SCARA3: variants seen among roughly 807,000 people sequenced by gnomAD.
SCARA3 encodes the protein scavenger receptor class A member 3, also known as cellular stress response gene protein.
Under a neutral mutation model 47.0 loss-of-function variants are expected in SCARA3, and 39 were observed. The ratio of observed to expected loss-of-function variants is 0.83; its 90% CI spans 0.64 to 1.08. The LOEUF is 1.08. Among genes scored for constraint, SCARA3 ranks in the 50% least tolerant of loss-of-function variants. The pLI, the probability that SCARA3 is intolerant of heterozygous loss-of-function variation, is 0.00. For synonymous variants in SCARA3, 356 were observed against 334.1 expected (o/e 1.07, Z -0.71); for missense variants, 724 against 792.3 (o/e 0.91, Z 1.04).
chr8:27,633,604 C>G (rs561124854), upstream of SCARA3, among the ~76,000 whole-genome samples: 5 of 110,670 alleles, frequency 4.5e-5, no homozygotes, highest in African/African-American at 1.1e-4. Flanking sequence ...CCCGGTGAGC[C>G]CCCCCATTGC....
At chr8:27,659,573 G>A in intron 5 of SCARA3, 34 bp downstream of exon 5, 1 of 1,540,308 alleles carries the variant, frequency 6.5e-7, no homozygotes, top group South Asian at 1.2e-5. Context: ...CTGCTACAAA[G>A]CTTCCACTGA....
chr8:27,655,102 T>C (rs1178225448), intron 3 of SCARA3, among the ~76,000 whole-genome samples: 1 of 152,228 alleles, frequency 6.6e-6, no homozygotes, highest in Non-Finnish European at 1.5e-5. Context: ...AGCTCTGAGA[T>C]GTACAATATT....
intron 1 of SCARA3, among the ~76,000 whole-genome samples, chr8:27,643,453 G>A (rs957983076): frequency 6.6e-6 from 1 of 152,186 alleles, no homozygotes; most frequent in Admixed American, 6.5e-5. Context: ...ACAACTTGTT[G>A]AGCAAGAAGA....
the SCARA3 span, among the ~76,000 whole-genome samples, chr8:27,715,580 CTAGATAGATGATAGATAGA>C: frequency 0.026 from 3,852 of 150,698 alleles, 82 homozygotes; most frequent in African/African-American, 0.064. This position sits in a 1 kb window ranked among gnomAD's most constrained non-coding sequence, Gnocchi z 4.2. Flanking sequence ...CACTTCGCAC[CTAGATAGATGATAGATAGA>C]TAGATAGATA....
chr8:27,676,499 A>G (rs1802279373), downstream of SCARA3: 2 of 1,586,256 alleles, frequency 1.3e-6, no homozygotes, highest in Non-Finnish European at 8.6e-7. Flanking sequence ...TAGGTGTCCA[A>G]CGAAATCCCC....
At chr8:27,644,739 C>T (rs1801456177) in intron 1 of SCARA3, among the ~76,000 whole-genome samples, 1 of 152,112 alleles carries the variant, frequency 6.6e-6, no homozygotes, top group South Asian at 2.1e-4. Context: ...ATGATGATTT[C>T]ATTACCCCTT....
downstream of SCARA3, chr8:27,676,465 T>G (rs1802278861): frequency 7.5e-7 from 1 of 1,338,840 alleles, no homozygotes; most frequent in Non-Finnish European, 1.0e-6. Context: ...TGAGGCCTTT[T>G]CCCTAAGCCC....
chr8:27,710,002 G>C, the SCARA3 span, among the ~76,000 whole-genome samples: 17 of 152,198 alleles, frequency 1.1e-4, no homozygotes, highest in African/African-American at 4.1e-4. Context: ...AGGCTAAGGG[G>C]GGCGGATCAT....
the SCARA3 span, among the ~76,000 whole-genome samples, chr8:27,690,394 C>T: frequency 6.6e-6 from 1 of 152,196 alleles, no homozygotes; most frequent in Non-Finnish European, 1.5e-5. Flanking sequence ...CTGTATCTCT[C>T]TGCCTCTCTG....
At position 27,670,881 on chromosome 8, in the gene SCARA3, A is replaced by G; in HGVS notation, c.1370-19A>G. On this transcript the variant is annotated intron_variant, in intron 5 of 5. Transcript: ENST00000301904. ...AGCCCCTGACAGACTGACCTCTCCC[A>G]TCTTCTCTCCAACCTCAGGTGCCCC... The G allele has an allele frequency of 6.6e-7, 1 of 1,514,298 alleles. No homozygotes were observed. Among genetic ancestry groups the G allele is most frequent in the Non-Finnish European group, 8.8e-7 (1 of 1,133,332 alleles). 93.8% of individuals were successfully genotyped at this position (1,514,298 alleles called of 1,614,324 possible). A position where few individuals can be genotyped will look rare whatever the true frequency, so the allele number is the denominator to read the frequency against.
At chr8:27,692,172 C>A in the SCARA3 span, among the ~76,000 whole-genome samples, 1 of 152,180 alleles carries the variant, frequency 6.6e-6, no homozygotes, top group African/African-American at 2.4e-5. Context: ...GTGTCTCACA[C>A]CTGTAATCCC....
the SCARA3 span, among the ~76,000 whole-genome samples, chr8:27,705,073 G>A: frequency 2.2e-4 from 34 of 152,276 alleles, no homozygotes; most frequent in Admixed American, 9.8e-4. Flanking sequence ...AGCAATCAGC[G>A]AGGGTACCAA....
At chr8:27,670,759 G>A (rs761398797) in intron 5 of SCARA3, 141 bp from the exon 6 acceptor site, 32 of 650,022 alleles carry the variant, frequency 4.9e-5, no homozygotes, top group Middle Eastern at 4.3e-4. Context: ...TGGAGCTATC[G>A]GCAAGCCTTG....
the SCARA3 span, chr8:27,733,332 A>G: frequency 6.6e-6 from 1 of 152,236 alleles, no homozygotes; most frequent in Admixed American, 6.5e-5. Context: ...TCAAACTATA[A>G]GCTTTTATTA....
downstream of SCARA3, among the ~76,000 whole-genome samples, chr8:27,675,802 TA>T (rs1324604854): frequency 6.9e-6 from 1 of 143,980 alleles, no homozygotes; most frequent in East Asian, 2.2e-4. Context: ...AATAAATGAA[TA>T]AATAAATAAA....
rs553147900 is a variant in SCARA3 at position 27,658,500 on chromosome 8, G to T, written c.330G>T (p.Pro110=). 1.2e-6 allele frequency: 2 copies of T among 1,600,128 alleles called. No individual in the cohort carries two copies. Among genetic ancestry groups the T allele is most frequent in the Admixed American group, 1.7e-5 (1 of 57,674 alleles). ...LMQKNLQGLD[P]KALNNCSFCH... Reference sequence around the variant, plus strand: ...TGTTATCCCTTTCCCCTAAAGATCCGAAAGCCCTGAACAACTGCTCTTTCT... The same window carrying T: ...TGTTATCCCTTTCCCCTAAAGATCCTAAAGCCCTGAACAACTGCTCTTTCT... Residue 110 remains proline (P), a synonymous_variant, in exon 5 of 6, where the codon CCG becomes CCT. Transcript: ENST00000301904.
In SCARA3 at chr8:27,656,814, A is replaced by G. The variant is rs750275372; in HGVS notation, c.259A>G (p.Ile87Val). ...FRKVDSLSED[I>V]SLTQSIYDKK... is the part of the protein sequence containing the mutation. ...AAAAGTGGACTCTCTCTCCGAAGAC[A>G]TCTCCTTGACCCAGTCTATTTATGA... Residue 87 changes from isoleucine (I) to valine (V), a missense_variant, in exon 4 of 6, where the codon ATC becomes GTC. Transcript: ENST00000301904. 6.8e-6 allele frequency: 11 copies of G among 1,613,106 alleles called. No homozygotes were observed. The highest frequency in any genetic ancestry group is 6.7e-5 in the Admixed American group (4 of 60,012).
In SCARA3 at chr8:27,660,992, T is replaced by G. The variant is rs527891888; in HGVS notation, c.1369+1453T>G. ...AGCTGATATCCCAGTTTGAAGACCATCAGGCAGGAAGAATTCCCTCTTACT... is the reference window on the plus strand; with the variant it reads ...AGCTGATATCCCAGTTTGAAGACCAGCAGGCAGGAAGAATTCCCTCTTACT... On this transcript the variant is annotated intron_variant, in intron 5 of 5. Coordinates refer to ENST00000301904, the MANE Select transcript of SCARA3 (RefSeq NM_016240.3). 1.4e-4 allele frequency among the ~76,000 whole-genome samples: 22 copies of G among 152,260 alleles called. 1 individual carries two copies. In the South Asian group the frequency reaches 4.6e-3, roughly 32 times the overall value.
chr8:27,672,902 T>G lies in SCARA3; in HGVS notation c.*1551T>G. ...AAGCCTTTCCGCACCCTCCTGACTG[T>G]CCTGGATGTGCAACTGGTTTGCACT... On this transcript the variant is annotated 3_prime_UTR_variant, in exon 6 of 6. Transcript: ENST00000301904. 2 of 985,706 alleles carry G rather than the reference T, an allele frequency of 2.0e-6. No individual in the cohort carries two copies. The highest frequency in any genetic ancestry group is 2.4e-6 in the Non-Finnish European group (2 of 830,132). The allele number at this position is 985,706 out of a possible 1,614,324, so 61.1% of individuals were successfully genotyped here.
Sources: gnomAD v4.1 joint callset for allele counts (sites outside exome capture counted in the v4.1 genomes callset) on GRCh38, gnomAD v4.1.1 for gene constraint, Gnocchi (gnomAD v3.1) non-coding constraint, MANE v1.5 for transcripts, NCBI Gene and HGNC (gene_info 2026-07-23, HGNC 2026-07-21) for gene names.